The following ASB13 variants were observed in gnomAD, a reference collection of about 807,000 sequenced individuals.
The protein encoded by ASB13 is ankyrin repeat and SOCS box protein 13.
Under a neutral mutation model 28.8 loss-of-function variants are expected in ASB13, and 33 were observed. The observed-to-expected ratio is 1.15, with a 90% CI of 0.87 to 1.53. ASB13 has a LOEUF of 1.53. Ranked by LOEUF, ASB13 falls within the 40% of genes most tolerant of loss-of-function variation. The pLI is 0.00. For synonymous variants in ASB13, 182 were observed against 172.9 expected, an observed-to-expected ratio of 1.05 and a Z score of -0.41; for missense variants, 414 against 390.1, an observed-to-expected ratio of 1.06 and a Z score of -0.52.
At position 5,651,304 on chromosome 10, in the gene ASB13, G is replaced by C. The variant is rs373144761; in HGVS notation, c.291C>G (p.Ser97Arg). 5.7e-5 allele frequency: 92 copies of C among 1,613,922 alleles called. No individual in the cohort carries two copies. Among genetic ancestry groups the C allele is most frequent in the Non-Finnish European group, 7.6e-5 (90 of 1,179,982 alleles). ...TPLCDACASG[S>R]IECVKLLLSY... ...ACAGCAAGAGCTTCACACACTCGAT[G>C]CTGCCCGAGGCGCAGGCATCGCAGA... The change falls in exon 3 of 6, where the codon AGC becomes AGG. Residue 97 changes from serine to arginine, a missense_variant. Ser to Arg is a moderately radical substitution (Grantham distance 110). Coordinates refer to ENST00000357700, the MANE Select transcript of ASB13 (RefSeq NM_024701.4). This position sits in a 1 kb window ranked among gnomAD's most constrained non-coding sequence, Gnocchi z 5.1.
chr10:5,651,280 C>A lies in ASB13; in HGVS notation c.315G>T (p.Leu105=). 6.2e-7 allele frequency: 1 copy of A among 1,614,100 alleles called. No homozygotes were observed. Among genetic ancestry groups the A allele is most frequent in the Non-Finnish European group, 8.5e-7 (1 of 1,180,000 alleles). Residue 105 remains leucine (L), a synonymous_variant, in exon 3 of 6, where the codon CTG becomes CTT. Coordinates refer to ENST00000357700, the MANE Select transcript of ASB13 (RefSeq NM_024701.4). The surrounding 1 kb of genome is among the most constrained non-coding windows in gnomAD (Gnocchi z 5.1). ...SGSIECVKLL[L]SYGAKVNPPL... Reference sequence around the variant, plus strand: ...GAGGGTTGACCTTGGCCCCGTAGGACAGCAAGAGCTTCACACACTCGATGC... The same window carrying A: ...GAGGGTTGACCTTGGCCCCGTAGGAAAGCAAGAGCTTCACACACTCGATGC...
At position 5,664,328 on chromosome 10, in the gene ASB13, C is replaced by T. The variant is rs1170986218; in HGVS notation, c.43+2181G>A. On this transcript the variant is annotated intron_variant, in intron 1 of 5. Coordinates refer to ENST00000357700, the MANE Select transcript of ASB13 (RefSeq NM_024701.4). The surrounding 1 kb of genome is among the most constrained non-coding windows in gnomAD (Gnocchi z 4.2). ...ACACTGAACCAGGAGAGAGAGAACA[C>T]AGGACTCATTGCTTACCTGAGGGGC... Among the ~76,000 whole-genome samples the T allele has an allele frequency of 6.6e-6, 1 of 150,748 alleles. No individual in the cohort carries two copies. The highest frequency in any genetic ancestry group is 1.5e-5 in the Non-Finnish European group (1 of 67,874).
chr10:5,646,052 A>G (rs1291184841), intron 4 of ASB13, among the ~76,000 whole-genome samples: 3 of 152,176 alleles, frequency 2.0e-5, no homozygotes, highest in African/African-American at 7.2e-5. Context: ...TGCTACCCAC[A>G]GCATCGAGCC....
chr10:5,658,385 C>T lies in ASB13; in HGVS notation c.44-5335G>A, dbSNP rs569528905. Among the ~76,000 whole-genome samples, 10 of 150,710 alleles carry T rather than the reference C, an allele frequency of 6.6e-5. No individual in the cohort carries two copies. The East Asian group carries it at 1.2e-3, about 18-fold the overall frequency. The stretch of plus-strand genomic sequence containing the variant: ...GGTGGAGGTTGCAGTGAGCCAAAAT[C>T]GTGCCATTGCACTACGGCCTGGGTG... On this transcript the variant is annotated intron_variant, in intron 1 of 5. Transcript: ENST00000357700. The surrounding 1 kb of genome is among the most constrained non-coding windows in gnomAD (Gnocchi z 4.2).
rs1295139605 is a variant in ASB13 at position 5,649,701 on chromosome 10, T to C, written c.383-597A>G. On this transcript the variant is annotated intron_variant, in intron 3 of 5. Transcript: ENST00000357700. This position sits in a 1 kb window ranked among gnomAD's most constrained non-coding sequence, Gnocchi z 6.4. Reference sequence around the variant, plus strand: ...CCACCGTGCCCGACTAATTTTTTTGTATTTTTAGTAGAGACAGGGTTTCAC... The same window carrying C: ...CCACCGTGCCCGACTAATTTTTTTGCATTTTTAGTAGAGACAGGGTTTCAC... Among the ~76,000 whole-genome samples, 5 of 148,916 alleles carry C rather than the reference T, an allele frequency of 3.4e-5. No homozygotes were observed. The highest frequency in any genetic ancestry group is 2.7e-4 in the Admixed American group (4 of 14,948).
rs1320224794 is a variant in ASB13 at position 5,664,121 on chromosome 10, C to T, written c.43+2388G>A. On this transcript the variant is annotated intron_variant, in intron 1 of 5. Transcript: ENST00000357700. The surrounding 1 kb of genome is among the most constrained non-coding windows in gnomAD (Gnocchi z 4.2). ...GGATACAGAAGGCGGGCTTGGCACC[C>T]GGGGTTGGGACCAGCAAAGAGCAGG... is the stretch of plus-strand genomic sequence containing the variant. Among the ~76,000 whole-genome samples, 2 of 152,082 alleles carry T rather than the reference C, an allele frequency of 1.3e-5. No individual in the cohort carries two copies. Among genetic ancestry groups the T allele is most frequent in the East Asian group, 1.9e-4 (1 of 5,190 alleles).
rs925251936 is a variant in ASB13 at position 5,660,091 on chromosome 10, A to G, written c.43+6418T>C. The stretch of plus-strand genomic sequence containing the variant: ...TGCTTCAGGTCAGGGTCACGGTGTT[A>G]CACACTATGGCTCCTCCTGTTTACC... On this transcript the variant is annotated intron_variant, in intron 1 of 5. Coordinates refer to ENST00000357700, the MANE Select transcript of ASB13 (RefSeq NM_024701.4). The surrounding 1 kb of genome is among the most constrained non-coding windows in gnomAD (Gnocchi z 6.1). Among the ~76,000 whole-genome samples the G allele has an allele frequency of 2.6e-5, 4 of 152,186 alleles. No individual in the cohort carries two copies. Among genetic ancestry groups the G allele is most frequent in the African/African-American group, 4.8e-5 (2 of 41,442 alleles).
chr10:5,644,692 T>C lies in ASB13; in HGVS notation c.518-2731A>G, dbSNP rs1369565612. Among the ~76,000 whole-genome samples the C allele has an allele frequency of 6.6e-6, 1 of 151,748 alleles. No individual in the cohort carries two copies. Among genetic ancestry groups the C allele is most frequent in the African/African-American group, 2.4e-5 (1 of 41,256 alleles). On this transcript the variant is annotated intron_variant, in intron 4 of 5. Transcript: ENST00000357700. The surrounding 1 kb of genome is among the most constrained non-coding windows in gnomAD (Gnocchi z 5.1). Reference sequence around the variant, plus strand: ...AATTACCTGGGCGTGGTGGTGCACATCTATAATCCCAGCTACTCAGGAGGC... The same window carrying C: ...AATTACCTGGGCGTGGTGGTGCACACCTATAATCCCAGCTACTCAGGAGGC...
In ASB13 at chr10:5,641,380, G is replaced by T. The variant is rs1402441340; in HGVS notation, c.709+390C>A. Among the ~76,000 whole-genome samples the T allele has an allele frequency of 6.6e-6, 1 of 152,168 alleles. No individual in the cohort carries two copies. The highest frequency in any genetic ancestry group is 2.4e-5 in the African/African-American group (1 of 41,440). On this transcript the variant is annotated intron_variant, in intron 5 of 5. Transcript: ENST00000357700. This position sits in a 1 kb window ranked among gnomAD's most constrained non-coding sequence, Gnocchi z 8.4. The stretch of plus-strand genomic sequence containing the variant: ...GCCTCCCAAAGTGCTGTGATTACAG[G>T]TGTGAGCCACTGCGCCTTTTCAAAA...
rs945323145 is a variant in ASB13 at position 5,658,072 on chromosome 10, C to T, written c.44-5022G>A. On this transcript the variant is annotated intron_variant, in intron 1 of 5. Coordinates refer to ENST00000357700, the MANE Select transcript of ASB13 (RefSeq NM_024701.4). The surrounding 1 kb of genome is among the most constrained non-coding windows in gnomAD (Gnocchi z 4.2). Reference sequence around the variant, plus strand: ...TACTCAGAGGCTGAGGCACGAGAATCGCATGAACCCAGGAGACAGAGGTTG... The same window carrying T: ...TACTCAGAGGCTGAGGCACGAGAATTGCATGAACCCAGGAGACAGAGGTTG... 4.6e-5 allele frequency among the ~76,000 whole-genome samples: 7 copies of T among 152,266 alleles called. No homozygotes were observed. The highest frequency in any genetic ancestry group is 1.9e-4 in the East Asian group (1 of 5,192).
chr10:5,653,055 A>C lies in ASB13; in HGVS notation c.44-5T>G, dbSNP rs149399272. 6.7e-4 allele frequency: 1,032 copies of C among 1,538,320 alleles called. 6 individuals are homozygous for C. The African/African-American group carries it at 0.013, about 19-fold the overall frequency. ...GGGTCCGCTCCACCCAGAAACCTGGAAAGGAAGGGGACCTCAGGCTAAGAC... is the reference window on the plus strand; with the variant it reads ...GGGTCCGCTCCACCCAGAAACCTGGCAAGGAAGGGGACCTCAGGCTAAGAC... On this transcript the variant is annotated splice_region_variant and splice_polypyrimidine_tract_variant and intron_variant, in intron 1 of 5. Coordinates refer to ENST00000357700, the MANE Select transcript of ASB13 (RefSeq NM_024701.4).
Position 5,666,585 on chromosome 10 carries a change from C to G in ASB13, c.-34G>C. 1 of 1,119,430 alleles carries G rather than the reference C, an allele frequency of 8.9e-7. No homozygotes were observed. Among genetic ancestry groups the G allele is most frequent in the Non-Finnish European group, 1.1e-6 (1 of 916,598 alleles). The allele number at this position is 1,119,430 out of a possible 1,614,324, so 69.3% of individuals were successfully genotyped here. A position where few individuals can be genotyped will look rare whatever the true frequency, so the allele number is the denominator to read the frequency against. Reference sequence around the variant, plus strand: ...CCGGCGGCCGCGCGGCGACTCTGGGCGCCGGGACCTGGGCCGGGCCGCGCG... The same window carrying G: ...CCGGCGGCCGCGCGGCGACTCTGGGGGCCGGGACCTGGGCCGGGCCGCGCG... On this transcript the variant is annotated 5_prime_UTR_variant, in exon 1 of 6. Transcript: ENST00000357700.
Position 5,651,251 on chromosome 10 carries a change from A to C in ASB13, c.344T>G (p.Leu115Arg). 2 of 1,613,940 alleles carry C rather than the reference A, an allele frequency of 1.2e-6. No individual in the cohort carries two copies. Among genetic ancestry groups the C allele is most frequent in the Non-Finnish European group, 1.7e-6 (2 of 1,179,922 alleles). The change falls in exon 3 of 6, where the codon CTG (leucine) becomes CGG (arginine). Residue 115 changes from leucine (L) to arginine (R), a missense_variant. Leu to Arg is a moderately radical substitution (Grantham distance 102). Transcript: ENST00000357700. This position sits in a 1 kb window ranked among gnomAD's most constrained non-coding sequence, Gnocchi z 5.1. ...CTCGTGCAGGGGGGACGCTGTGTAC[A>C]GGGGAGGGTTGACCTTGGCCCCGTA... ...LSYGAKVNPP[L>R]YTASPLHEAC...
At chr10:5,657,770 A>G (rs968941406) in intron 1 of ASB13, among the ~76,000 whole-genome samples, 2 of 152,194 alleles carry the variant, frequency 1.3e-5, no homozygotes, top group African/African-American at 4.8e-5. Context: ...GTCCAGTGGA[A>G]TATTATTCAG....
At position 5,658,420 on chromosome 10, in the gene ASB13, GAAA is replaced by G. The variant is rs140151394; in HGVS notation, c.44-5373_44-5371del. Among the ~76,000 whole-genome samples the G allele has an allele frequency of 1.5e-5, 2 of 131,654 alleles. No individual in the cohort carries two copies. The allele number at this position is 131,654 out of a possible 152,430, so 86.4% of individuals were successfully genotyped here. A position where few individuals can be genotyped will look rare whatever the true frequency, so the allele number is the denominator to read the frequency against. ...CACTACGGCCTGGGTGACTTTGTCT[GAAA>G]AAAAAAAAAAAAACAAAACCAAATA... On this transcript the variant is annotated intron_variant, in intron 1 of 5. Transcript: ENST00000357700. This position sits in a 1 kb window ranked among gnomAD's most constrained non-coding sequence, Gnocchi z 4.2.
At position 5,653,044 on chromosome 10, in the gene ASB13, C is replaced by CTGT; in HGVS notation, c.49_50insACA (p.Trp17delinsTyrArg). 3 of 1,541,632 alleles carry CTGT rather than the reference C, an allele frequency of 1.9e-6. No homozygotes were observed. The highest frequency in any genetic ancestry group is 2.6e-6 in the Non-Finnish European group (3 of 1,140,938). On this transcript the variant is annotated protein_altering_variant, in exon 2 of 6. Transcript: ENST00000357700. ...CTCGTGCACAGGGGTCCGCTCCACC[C>CTGT]AGAAACCTGGAAAGGAAGGGGACCT...
chr10:5,653,750 C>T (rs1027475372), intron 1 of ASB13, among the ~76,000 whole-genome samples: 2 of 152,084 alleles, frequency 1.3e-5, no homozygotes, highest in African/African-American at 4.8e-5. Context: ...GGTGTGATCT[C>T]AGCTCACTGC....
intron 4 of ASB13, among the ~76,000 whole-genome samples, 185 bp downstream of exon 4, chr10:5,648,785 C>A (rs1282638728): frequency 1.3e-5 from 2 of 149,058 alleles, no homozygotes. Flanking sequence ...GGGGTAAACA[C>A]CCACGCGGGC....
Position 5,649,014 on chromosome 10 carries a change from C to A in ASB13, c.473G>T (p.Cys158Phe). Reference sequence around the variant, plus strand: ...GACACAGTCCAGATGCTCCCGGGCACAGGCAACGTGCAGAGGGGTCCCAAA... The same window carrying A: ...GACACAGTCCAGATGCTCCCGGGCAAAGGCAACGTGCAGAGGGGTCCCAAA... ...CHFGTPLHVA[C>F]AREHLDCVKV... is the part of the protein sequence containing the mutation. The change falls in exon 4 of 6, where the codon TGT (cysteine) becomes TTT (phenylalanine). Residue 158 changes from cysteine (C) to phenylalanine (F), a missense_variant. Cys to Phe is a radical substitution (Grantham distance 205). Coordinates refer to ENST00000357700, the MANE Select transcript of ASB13 (RefSeq NM_024701.4). The surrounding 1 kb of genome is among the most constrained non-coding windows in gnomAD (Gnocchi z 6.4). The A allele has an allele frequency of 5.6e-6, 9 of 1,614,264 alleles. No homozygotes were observed. The highest frequency in any genetic ancestry group is 7.6e-6 in the Non-Finnish European group (9 of 1,180,054).
Sources: gnomAD v4.1 joint callset for allele counts (sites outside exome capture counted in the v4.1 genomes callset) on GRCh38, gnomAD v4.1.1 for gene constraint, Gnocchi (gnomAD v3.1) non-coding constraint, MANE v1.5 for transcripts, NCBI Gene and HGNC (gene_info 2026-07-23, HGNC 2026-07-21) for gene names.